The following SLC24A2 variants were observed in gnomAD, a reference collection of about 807,000 sequenced individuals.
SLC24A2 encodes the protein sodium/potassium/calcium exchanger 2.
A neutral mutation model predicts 62.0 loss-of-function variants in SLC24A2; 36 were observed. The observed-to-expected ratio is 0.58, with a 90% CI of 0.44 to 0.77. The LOEUF is 0.77. Among genes scored for constraint, SLC24A2 ranks in the 30% least tolerant of loss-of-function variants. The pLI, the probability that SLC24A2 is intolerant of heterozygous loss-of-function variation, is 0.00. For synonymous variants in SLC24A2, 358 were observed against 294.0 expected (o/e 1.22, Z -2.23); for missense variants, 846 against 817.9 (o/e 1.03, Z -0.42).
chr9:19,619,075 C>T (rs911236470), intron 4 of SLC24A2, among the ~76,000 whole-genome samples: 4 of 152,086 alleles, frequency 2.6e-5, no homozygotes, highest in African/African-American at 9.7e-5. Flanking sequence ...TTTTTAGATG[C>T]ATAGATGCTC....
chr9:20,221,267 A>G, the SLC24A2 span, among the ~76,000 whole-genome samples: 1 of 152,132 alleles, frequency 6.6e-6, no homozygotes, highest in Non-Finnish European at 1.5e-5. Flanking sequence ...ACAAGTGTAG[A>G]AGCAGAAAGC....
chr9:19,855,834 C>A, the SLC24A2 span, among the ~76,000 whole-genome samples: 1 of 152,186 alleles, frequency 6.6e-6, no homozygotes, highest in Non-Finnish European at 1.5e-5. Flanking sequence ...GTTAGCCTGT[C>A]TTGCTGGGTT....
the SLC24A2 span, among the ~76,000 whole-genome samples, chr9:20,255,557 C>G: frequency 1.3e-5 from 2 of 152,180 alleles, no homozygotes; most frequent in Non-Finnish European, 2.9e-5. Flanking sequence ...GATTCACTCA[C>G]ATTGTCTGAG....
the SLC24A2 span, among the ~76,000 whole-genome samples, chr9:20,138,126 C>T: frequency 6.6e-6 from 1 of 152,174 alleles, no homozygotes; most frequent in African/African-American, 2.4e-5. Flanking sequence ...TAATCCTAAC[C>T]TCTATACACT....
At chr9:19,604,156 T>C (rs1040463259) in intron 4 of SLC24A2, among the ~76,000 whole-genome samples, 1 of 152,222 alleles carries the variant, frequency 6.6e-6, no homozygotes, top group African/African-American at 2.4e-5. Context: ...CTCACCTTTA[T>C]TACCTTTGGT....
intron 2 of SLC24A2, among the ~76,000 whole-genome samples, chr9:19,668,923 CATAGTACTGAATGAATAAGTGAATG>C (rs1180437906): frequency 6.6e-6 from 1 of 152,102 alleles, no homozygotes; most frequent in Non-Finnish European, 1.5e-5. Context: ...CTATTCAGTA[CATAGTACTGAATGAATAAGTGAATG>C]AGTGCTATAT....
chr9:20,221,282 C>T, the SLC24A2 span, among the ~76,000 whole-genome samples: 29 of 151,872 alleles, frequency 1.9e-4, no homozygotes, highest in Admixed American at 1.4e-3. Context: ...GAAAGCTAAT[C>T]GTGGCTTAGG....
chr9:19,862,024 A>G, the SLC24A2 span, among the ~76,000 whole-genome samples: 1 of 152,182 alleles, frequency 6.6e-6, no homozygotes, highest in Non-Finnish European at 1.5e-5. Context: ...AAGGGTAGAA[A>G]GTTTATTCAA....
chr9:19,641,450 G>T (rs1335713544), intron 2 of SLC24A2, among the ~76,000 whole-genome samples: 1 of 151,822 alleles, frequency 6.6e-6, no homozygotes, highest in Non-Finnish European at 1.5e-5. Context: ...GTTTGGATTA[G>T]TTCAATCACA....
chr9:20,161,122 A>C, the SLC24A2 span, among the ~76,000 whole-genome samples: 1 of 151,434 alleles, frequency 6.6e-6, no homozygotes, highest in African/African-American at 2.4e-5. Context: ...CTATACAATT[A>C]AATTTGAAAA....
the SLC24A2 span, among the ~76,000 whole-genome samples, chr9:19,805,498 A>G: frequency 6.6e-6 from 1 of 152,184 alleles, no homozygotes; most frequent in Non-Finnish European, 1.5e-5. Context: ...ATGAACATAC[A>G]TATGGTTGAT....
rs927884670 is a variant in SLC24A2, at chr9:19,632,919, C to T, written c.931-10620G>A. 1.3e-5 allele frequency among the ~76,000 whole-genome samples: 2 copies of T among 152,156 alleles called. No homozygotes were observed. The highest frequency in any genetic ancestry group is 6.6e-5 in the Admixed American group (1 of 15,266). On this transcript the variant is annotated intron_variant, in intron 2 of 10. Coordinates refer to ENST00000341998, the MANE Select transcript of SLC24A2 (RefSeq NM_020344.4). This position sits in a 1 kb window ranked among gnomAD's most constrained non-coding sequence, Gnocchi z 4.5. The stretch of plus-strand genomic sequence containing the variant: ...CCACCACTGCAATCAAGATAATTAA[C>T]TATAACATCATCACAAGACTCCCTT...
At chr9:20,018,150 T>C in the SLC24A2 span, among the ~76,000 whole-genome samples, 2 of 152,138 alleles carry the variant, frequency 1.3e-5, no homozygotes, top group South Asian at 4.1e-4. Flanking sequence ...GGTTTCACCA[T>C]GTTAGCCAGG....
chr9:20,082,799 T>C, the SLC24A2 span, among the ~76,000 whole-genome samples: 71 of 152,370 alleles, frequency 4.7e-4, 1 homozygote, highest in South Asian at 0.014. Flanking sequence ...AAGAATTTTA[T>C]ATTATGTGCA....
chr9:20,067,044 A>C, the SLC24A2 span, among the ~76,000 whole-genome samples: 3 of 152,226 alleles, frequency 2.0e-5, no homozygotes, highest in South Asian at 4.1e-4. Context: ...TTGAAGTCTC[A>C]GGAAACAATT....
At chr9:20,017,888 G>A in the SLC24A2 span, among the ~76,000 whole-genome samples, 1 of 152,282 alleles carries the variant, frequency 6.6e-6, no homozygotes, top group African/African-American at 2.4e-5. Flanking sequence ...CCAATCCACT[G>A]ACTCAAATGT....
At chr9:19,726,285 A>G (rs1054862874) in intron 2 of SLC24A2, among the ~76,000 whole-genome samples, 5 of 152,240 alleles carry the variant, frequency 3.3e-5, no homozygotes, top group Non-Finnish European at 7.3e-5. Flanking sequence ...CTGGAAAGGA[A>G]TATAACTTCA....
In SLC24A2 at chr9:19,624,860, A is replaced by C. The variant is rs910118192; in HGVS notation, c.931-2561T>G. ...TCACCCACATCTACTGATAATTCGAAGTTCACCTGACTTAGCCTTGCTCTA... is the reference window on the plus strand; with the variant it reads ...TCACCCACATCTACTGATAATTCGACGTTCACCTGACTTAGCCTTGCTCTA... On this transcript the variant is annotated intron_variant, in intron 2 of 10. Coordinates refer to ENST00000341998, the MANE Select transcript of SLC24A2 (RefSeq NM_020344.4). 2.6e-5 allele frequency among the ~76,000 whole-genome samples: 4 copies of C among 152,202 alleles called. No homozygotes were observed. The East Asian group carries it at 7.7e-4, about 29-fold the overall frequency.
the SLC24A2 span, among the ~76,000 whole-genome samples, chr9:20,099,823 G>C: frequency 6.6e-6 from 1 of 151,970 alleles, no homozygotes; most frequent in South Asian, 2.1e-4. Context: ...GGTAATGGTA[G>C]AATGTCAATA....
Sources: gnomAD v4.1 joint callset for allele counts (sites outside exome capture counted in the v4.1 genomes callset) on GRCh38, gnomAD v4.1.1 for gene constraint, Gnocchi (gnomAD v3.1) non-coding constraint, MANE v1.5 for transcripts, NCBI Gene and HGNC (gene_info 2026-07-23, HGNC 2026-07-21) for gene names.